The following SMYD2 variants were observed in gnomAD, a reference collection of about 807,000 sequenced individuals.
SMYD2 encodes SET and MYND domain containing 2.
Under a neutral mutation model 59.1 loss-of-function variants are expected in SMYD2, and 53 were observed. The ratio of observed to expected loss-of-function variants is 0.90; its 90% CI spans 0.72 to 1.13. The LOEUF (loss-of-function observed/expected upper bound fraction) is 1.13, where lower values mean the gene tolerates loss of function less well. Ranked by LOEUF, SMYD2 falls within the 50% of genes most tolerant of loss-of-function variation. SMYD2 has a pLI of 0.00. For synonymous variants in SMYD2, 208 were observed against 198.8 expected (o/e 1.05, Z -0.39); for missense variants, 494 against 544.7 (o/e 0.91, Z 0.93).
chr1:214,281,980 A>G (rs529848106), intron 1 of SMYD2, among the ~76,000 whole-genome samples: 3 of 152,254 alleles, frequency 2.0e-5, no homozygotes, highest in Admixed American at 6.5e-5. Flanking sequence ...GAGGGACGCC[A>G]GTGGGCACTG....
rs779898336 is a variant in SMYD2, at chr1:214,319,003, G to T, written c.534+20G>T. 6.2e-7 allele frequency: 1 copy of T among 1,612,528 alleles called. No homozygotes were observed. The highest frequency in any genetic ancestry group is 1.1e-5 in the South Asian group (1 of 90,744). ...GCACAGGTAAGGACGCTGGCAGCAG[G>T]TAACACTCAGTCTGGCCTTTCCCTC... On this transcript the variant is annotated intron_variant, in intron 5 of 11. Coordinates refer to ENST00000366957, the MANE Select transcript of SMYD2 (RefSeq NM_020197.3).
chr1:214,320,708 AT>A (rs139103389), intron 5 of SMYD2, among the ~76,000 whole-genome samples: 6,027 of 152,354 alleles, frequency 0.04, 156 homozygotes, highest in Middle Eastern at 0.058. Flanking sequence ...AATTTATTGA[AT>A]TCTTTTATAA....
At position 214,305,193 on chromosome 1, in the gene SMYD2, A is replaced by G; in HGVS notation, c.180A>G (p.Glu60=). ...TGCCCTTTCTGTTTTTAAGGAAAGA[A>G]GGATTGTCCAAATGTGGAAGATGCA... is the stretch of plus-strand genomic sequence containing the variant. The part of the protein sequence containing the change: ...NHCEYCFTRK[E]GLSKCGRCKQ... The change falls in exon 2 of 12, where the codon GAA becomes GAG. Residue 60 remains glutamate (E), a synonymous_variant. Transcript: ENST00000366957. 1 of 1,614,186 alleles carries G rather than the reference A, an allele frequency of 6.2e-7. No homozygotes were observed. Among genetic ancestry groups the G allele is most frequent in the Non-Finnish European group, 8.5e-7 (1 of 1,180,006 alleles).
Position 214,324,631 on chromosome 1 carries a change from C to A in SMYD2, c.535-10C>A. ...TCATTTTTTTCCTTTCTCCCTTTTTCTTGCTGCAGGTTAACTGTAATGGCT... is the reference window on the plus strand; with the variant it reads ...TCATTTTTTTCCTTTCTCCCTTTTTATTGCTGCAGGTTAACTGTAATGGCT... On this transcript the variant is annotated splice_polypyrimidine_tract_variant and intron_variant, in intron 5 of 11. Coordinates refer to ENST00000366957, the MANE Select transcript of SMYD2 (RefSeq NM_020197.3). The A allele has an allele frequency of 6.3e-7, 1 of 1,597,942 alleles. No homozygotes were observed. Among genetic ancestry groups the A allele is most frequent in the African/African-American group, 1.3e-5 (1 of 74,144 alleles).
At chr1:214,324,268 T>C (rs1657224254) in intron 5 of SMYD2, among the ~76,000 whole-genome samples, 1 of 152,212 alleles carries the variant, frequency 6.6e-6, no homozygotes, top group South Asian at 2.1e-4. Flanking sequence ...GACACAGTGA[T>C]TCAGTGATAG....
At chr1:214,305,138 T>G in intron 1 of SMYD2, 49 bp from the exon 2 acceptor site, 1 of 1,560,864 alleles carries the variant, frequency 6.4e-7, no homozygotes, top group South Asian at 1.1e-5. Context: ...AATGTACAGC[T>G]TCACGTTTCT....
At chr1:214,302,442 C>A (rs1032942599) in intron 1 of SMYD2, among the ~76,000 whole-genome samples, 1 of 148,934 alleles carries the variant, frequency 6.7e-6, no homozygotes, top group African/African-American at 2.6e-5. Flanking sequence ...CTCACACCTT[C>A]TGCATTGCAA....
chr1:214,295,538 T>C (rs1388263511), intron 1 of SMYD2, among the ~76,000 whole-genome samples: 1 of 152,162 alleles, frequency 6.6e-6, no homozygotes, highest in Admixed American at 6.5e-5. Flanking sequence ...ACAGCTCCGG[T>C]TCCAATAGTT....
At chr1:214,301,316 A>G (rs1024378861) in intron 1 of SMYD2, among the ~76,000 whole-genome samples, 1 of 152,158 alleles carries the variant, frequency 6.6e-6, no homozygotes, top group East Asian at 1.9e-4. Flanking sequence ...TTGATAATTG[A>G]TGTTGTCTTA....
chr1:214,302,142 G>A (rs1656834197), intron 1 of SMYD2, among the ~76,000 whole-genome samples: 1 of 152,014 alleles, frequency 6.6e-6, no homozygotes, highest in Admixed American at 6.6e-5. Flanking sequence ...AGGAGTTCGA[G>A]ACCATCCTGG....
intron 3 of SMYD2, among the ~76,000 whole-genome samples, chr1:214,317,172 C>G (rs541373407): frequency 6.6e-6 from 1 of 152,258 alleles, no homozygotes; most frequent in African/African-American, 2.4e-5. Flanking sequence ...AATATTTCGG[C>G]ACCAGGAGGG....
intron 2 of SMYD2, among the ~76,000 whole-genome samples, chr1:214,313,871 G>A (rs554543871): frequency 2.0e-5 from 3 of 152,180 alleles, no homozygotes; most frequent in South Asian, 4.1e-4. Context: ...ACTTCAGGGC[G>A]TATGATAGAA....
chr1:214,328,933 C>T (rs1280012454), intron 7 of SMYD2, among the ~76,000 whole-genome samples: 5 of 152,220 alleles, frequency 3.3e-5, no homozygotes, highest in Non-Finnish European at 5.9e-5. Context: ...TGTGGGCTGA[C>T]TGCAGAGATG....
In SMYD2 at chr1:214,328,012, A is replaced by G. The variant is rs537933181; in HGVS notation, c.705+288A>G. Reference sequence around the variant, plus strand: ...AAATTTGTCCCAAAGCTTTATAGAGATTTACAGAGAAAGAAGACATTTACT... The same window carrying G: ...AAATTTGTCCCAAAGCTTTATAGAGGTTTACAGAGAAAGAAGACATTTACT... On this transcript the variant is annotated intron_variant, in intron 7 of 11. Coordinates refer to ENST00000366957, the MANE Select transcript of SMYD2 (RefSeq NM_020197.3). Among the ~76,000 whole-genome samples, 51 of 152,298 alleles carry G rather than the reference A, an allele frequency of 3.3e-4. 1 individual carries two copies. In the South Asian group the frequency reaches 0.01, roughly 30 times the overall value.
intron 11 of SMYD2, among the ~76,000 whole-genome samples, chr1:214,335,378 A>G (rs1024620348): frequency 6.6e-6 from 1 of 152,238 alleles, no homozygotes; most frequent in Non-Finnish European, 1.5e-5. Context: ...TAATAGATCA[A>G]TGAAAGCTGG....
chr1:214,300,039 G>T (rs546626422), intron 1 of SMYD2, among the ~76,000 whole-genome samples: 1 of 152,340 alleles, frequency 6.6e-6, no homozygotes, highest in Non-Finnish European at 1.5e-5. Flanking sequence ...TGGGCACTAT[G>T]CTCACTACCT....
At chr1:214,315,242 G>T (rs1657065256) in intron 3 of SMYD2, among the ~76,000 whole-genome samples, 1 of 152,180 alleles carries the variant, frequency 6.6e-6, no homozygotes, top group African/African-American at 2.4e-5. Context: ...TTTCCATTCT[G>T]ACATAAAGAG....
At chr1:214,291,649 A>G (rs1455897904) in intron 1 of SMYD2, among the ~76,000 whole-genome samples, 3 of 152,178 alleles carry the variant, frequency 2.0e-5, no homozygotes, top group Non-Finnish European at 2.9e-5. Flanking sequence ...TCTTGCTAGT[A>G]TGTCTTTTCT....
Position 214,281,250 on chromosome 1 carries a change from C to A in SMYD2, c.-5C>A. ...CACAGCCGGCGGCCGCGCCCCGCCG[C>A]CACCATGAGGGCCGAGGGCCTCGGC... On this transcript the variant is annotated 5_prime_UTR_variant, in exon 1 of 12. Coordinates refer to ENST00000366957, the MANE Select transcript of SMYD2 (RefSeq NM_020197.3). The A allele has an allele frequency of 2.4e-6, 3 of 1,238,746 alleles. No individual in the cohort carries two copies. The highest frequency in any genetic ancestry group is 3.0e-6 in the Non-Finnish European group (3 of 984,490). The allele number at this position is 1,238,746 out of a possible 1,614,324, so 76.7% of individuals were successfully genotyped here. A position where few individuals can be genotyped will look rare whatever the true frequency, so the allele number is the denominator to read the frequency against.
Sources: gnomAD v4.1 joint callset for allele counts (sites outside exome capture counted in the v4.1 genomes callset) on GRCh38, gnomAD v4.1.1 for gene constraint, MANE v1.5 for transcripts, NCBI Gene and HGNC (gene_info 2026-07-23, HGNC 2026-07-21) for gene names.